Variants in SH3PXD2B observed in about 807,000 individuals in gnomAD.
SH3PXD2B encodes SH3 and PX domains 2B.
SH3PXD2B carries 37 observed loss-of-function variants against 73.1 expected under a neutral mutation model. The ratio of observed to expected loss-of-function variants is 0.51; its 90% CI spans 0.39 to 0.67. SH3PXD2B has a LOEUF of 0.67. SH3PXD2B is among the 30% of genes least tolerant of loss of function. The pLI, the probability that SH3PXD2B is intolerant of heterozygous loss-of-function variation, is 0.00. For synonymous variants in SH3PXD2B, 457 were observed against 480.5 expected, an observed-to-expected ratio of 0.95 and a Z score of 0.64; for missense variants, 1,053 against 1,197.8, an observed-to-expected ratio of 0.88 and a Z score of 1.78.
In SH3PXD2B at chr5:172,337,681, A is replaced by T. The variant is rs1756736501; in HGVS notation, c.*688T>A. On this transcript the variant is annotated 3_prime_UTR_variant, in exon 13 of 13. Coordinates refer to ENST00000311601, the MANE Select transcript of SH3PXD2B (RefSeq NM_001017995.3). ...CAAAGCGCAGCATACGCGGGGCTGG[A>T]ACCACCCTTCAGGGCTGACCACGGT... 1.0e-6 allele frequency: 1 copy of T among 988,006 alleles called. No individual in the cohort carries two copies. The highest frequency in any genetic ancestry group is 1.7e-5 in the African/African-American group (1 of 57,236). The allele number at this position is 988,006 out of a possible 1,614,324, so 61.2% of individuals were successfully genotyped here. A position where few individuals can be genotyped will look rare whatever the true frequency, so the allele number is the denominator to read the frequency against.
chr5:172,396,421 G>A (rs892146032), intron 3 of SH3PXD2B, among the ~76,000 whole-genome samples: 1 of 151,618 alleles, frequency 6.6e-6, no homozygotes, highest in Non-Finnish European at 1.5e-5. Flanking sequence ...TCATATGACA[G>A]AACTGGAAGG....
At position 172,333,522 on chromosome 5, in the gene SH3PXD2B, T is replaced by C. The variant is rs972835318; in HGVS notation, c.*4847A>G. 3 of 1,167,404 alleles carry C rather than the reference T, an allele frequency of 2.6e-6. No homozygotes were observed. The highest frequency in any genetic ancestry group is 3.2e-6 in the Non-Finnish European group (3 of 938,780). The allele number at this position is 1,167,404 out of a possible 1,614,324, so 72.3% of individuals were successfully genotyped here. Reference sequence around the variant, plus strand: ...TCTTCATGATGAAGCTTGAAACCAGTCAAGCACTTTTTTTATTTAAAAAAA... The same window carrying C: ...TCTTCATGATGAAGCTTGAAACCAGCCAAGCACTTTTTTTATTTAAAAAAA... On this transcript the variant is annotated 3_prime_UTR_variant, in exon 13 of 13. Coordinates refer to ENST00000311601, the MANE Select transcript of SH3PXD2B (RefSeq NM_001017995.3).
chr5:172,400,739 T>C (rs549787135), intron 3 of SH3PXD2B, among the ~76,000 whole-genome samples: 26 of 152,332 alleles, frequency 1.7e-4, no homozygotes, highest in Non-Finnish European at 3.4e-4. Context: ...ATATCAAAAT[T>C]TGGACGAACA....
chr5:172,438,861 C>T (rs1041082706), intron 1 of SH3PXD2B, among the ~76,000 whole-genome samples: 2 of 151,366 alleles, frequency 1.3e-5, no homozygotes, highest in African/African-American at 4.9e-5. Flanking sequence ...AATTTTACTG[C>T]GTTACACCAC....
At chr5:172,432,931 G>C (rs113605388) in intron 1 of SH3PXD2B, among the ~76,000 whole-genome samples, 1 of 122,090 alleles carries the variant, frequency 8.2e-6, no homozygotes, top group Non-Finnish European at 1.7e-5. Context: ...AAAAAGGGGG[G>C]GGGGGGGGAA....
intron 6 of SH3PXD2B, among the ~76,000 whole-genome samples, chr5:172,370,764 T>A (rs1467550646): frequency 1.3e-5 from 2 of 152,324 alleles, no homozygotes; most frequent in South Asian, 2.1e-4. Flanking sequence ...TTGAAACTGA[T>A]GAAAAAAGGT....
chr5:172,439,031 G>C (rs1385969704), intron 1 of SH3PXD2B, among the ~76,000 whole-genome samples: 1 of 151,702 alleles, frequency 6.6e-6, no homozygotes, highest in Admixed American at 6.6e-5. Flanking sequence ...CTGAGGTCGG[G>C]AGTTCGAGAC....
intron 10 of SH3PXD2B, among the ~76,000 whole-genome samples, chr5:172,348,738 G>A (rs1163343403): frequency 1.3e-5 from 2 of 149,470 alleles, no homozygotes; most frequent in Non-Finnish European, 1.5e-5. Context: ...ACAGGGTCTC[G>A]CTCTATTGCC....
chr5:172,364,230 C>T (rs1757459613), intron 6 of SH3PXD2B, among the ~76,000 whole-genome samples: 1 of 152,100 alleles, frequency 6.6e-6, no homozygotes, highest in African/African-American at 2.4e-5. Context: ...GAGCAGCAGG[C>T]TAAATGTGGG....
In SH3PXD2B at chr5:172,388,612, G is replaced by A. The variant is rs973961374; in HGVS notation, c.309+5951C>T. On this transcript the variant is annotated intron_variant, in intron 4 of 12. Coordinates refer to ENST00000311601, the MANE Select transcript of SH3PXD2B (RefSeq NM_001017995.3). ...GCTGCTGCTATCCTGTATTACTCTC[G>A]GATTTTAAATTTCCTTTTCAAAACC... Among the ~76,000 whole-genome samples the A allele has an allele frequency of 7.9e-5, 12 of 152,128 alleles. No homozygotes were observed. In the East Asian group the frequency reaches 2.1e-3, roughly 27 times the overall value.
At chr5:172,375,785 T>C (rs1757808654) in intron 5 of SH3PXD2B, among the ~76,000 whole-genome samples, 1 of 152,220 alleles carries the variant, frequency 6.6e-6, no homozygotes, top group Non-Finnish European at 1.5e-5. Flanking sequence ...TTTCCACTCT[T>C]TGGCTATTTT....
chr5:172,437,724 A>G (rs1396659905), intron 1 of SH3PXD2B, among the ~76,000 whole-genome samples: 1 of 152,232 alleles, frequency 6.6e-6, no homozygotes, highest in Non-Finnish European at 1.5e-5. Context: ...TAGGGCCAAA[A>G]TACAAGTGCT....
chr5:172,356,892 T>C (rs542070801), intron 8 of SH3PXD2B: 1 of 152,506 alleles, frequency 6.6e-6, no homozygotes, highest in East Asian at 1.9e-4. Context: ...GCATTACCTC[T>C]GAGTCTAATC....
chr5:172,347,935 GCCCTGGC>G (rs1285467190), intron 10 of SH3PXD2B, among the ~76,000 whole-genome samples: 1 of 152,184 alleles, frequency 6.6e-6, no homozygotes, highest in Non-Finnish European at 1.5e-5. Flanking sequence ...CGAGGCAGCT[GCCCTGGC>G]TCTGGGTCTC....
intron 2 of SH3PXD2B, among the ~76,000 whole-genome samples, chr5:172,407,419 G>A (rs74814765): frequency 0.062 from 9,371 of 152,220 alleles, 436 homozygotes; most frequent in African/African-American, 0.14. Flanking sequence ...TGCTGGCCGC[G>A]GTCATGGGAT....
intron 6 of SH3PXD2B, among the ~76,000 whole-genome samples, chr5:172,369,684 C>T (rs555993773): frequency 5.3e-5 from 8 of 152,254 alleles, no homozygotes; most frequent in African/African-American, 1.9e-4. Flanking sequence ...AGAAGAATTG[C>T]TTGAACCCGG....
chr5:172,367,480 A>C (rs1028013582), intron 6 of SH3PXD2B, among the ~76,000 whole-genome samples: 4 of 136,070 alleles, frequency 2.9e-5, no homozygotes, highest in Non-Finnish European at 6.3e-5. Flanking sequence ...CACTTGCCTC[A>C]GCCTCCCAAA....
intron 6 of SH3PXD2B, among the ~76,000 whole-genome samples, chr5:172,363,610 C>A (rs1757444249): frequency 6.6e-6 from 1 of 152,118 alleles, no homozygotes; most frequent in South Asian, 2.1e-4. Context: ...AACGCAGGGA[C>A]CCGAGAGAGG....
In SH3PXD2B at chr5:172,406,287, G is replaced by A; in HGVS notation, c.222C>T (p.Pro74=). 6.2e-7 allele frequency: 1 copy of A among 1,614,114 alleles called. No individual in the cohort carries two copies. Among genetic ancestry groups the A allele is most frequent in the Non-Finnish European group, 8.5e-7 (1 of 1,180,000 alleles). The change falls in exon 3 of 13, where the codon CCC becomes CCT. Residue 74 remains proline (P), a synonymous_variant. Transcript: ENST00000311601. ...GQKDPKQRII[P]FLPGKILFRR... ...ACCCATCTCACCTACCTGGCAGAAA[G>A]GGGATGATCCGCTGCTTGGGGTCCT...
Sources: allele counts gnomAD v4.1 joint callset (sites outside exome capture counted in the v4.1 genomes callset), GRCh38; gene constraint gnomAD v4.1.1; transcripts MANE v1.5; gene names NCBI Gene and HGNC (gene_info 2026-07-23, HGNC 2026-07-21).